PANK2: variants seen among roughly 807,000 people sequenced by gnomAD.
PANK2 encodes the protein pantothenate kinase 2, mitochondrial.
A neutral mutation model predicts 43.1 loss-of-function variants in PANK2; 36 were observed. The ratio of observed to expected loss-of-function variants is 0.84; its 90% CI spans 0.64 to 1.10. The LOEUF (loss-of-function observed/expected upper bound fraction) is 1.10, where lower values mean the gene tolerates loss of function less well. PANK2 is among the 50% of genes least tolerant of loss of function. The pLI is 0.00. For missense variants in PANK2, 576 were observed against 593.3 expected (o/e 0.97, Z 0.30); for synonymous variants, 281 against 238.2 (o/e 1.18, Z -1.66).
intron 2 of PANK2, chr20:3,908,666 C>T (rs2090425147): frequency 4.1e-6 from 1 of 245,206 alleles, no homozygotes; most frequent in African/African-American, 2.3e-5. Context: ...CTCTTGTCTC[C>T]CTCAGTTGTT....
At chr20:3,900,917 C>T (rs4815624) in intron 1 of PANK2, among the ~76,000 whole-genome samples, 78,960 of 151,650 alleles carry the variant, frequency 0.52, 21,193 homozygotes, top group East Asian at 0.67. Flanking sequence ...TACAGGTGTG[C>T]ACCACCACAC....
chr20:3,889,818 G>C, intron 1 of PANK2, 90 bp downstream of exon 1: 2 of 1,493,516 alleles, frequency 1.3e-6, no homozygotes, highest in Non-Finnish European at 1.8e-6. Context: ...CGTTTTTCCC[G>C]CGCGCGGACA....
intron 1 of PANK2, among the ~76,000 whole-genome samples, chr20:3,900,894 G>T (rs2090289703): frequency 6.6e-6 from 1 of 151,746 alleles, no homozygotes; most frequent in Non-Finnish European, 1.5e-5. Context: ...TCAGCCTACC[G>T]AGTAGCTGGG....
chr20:3,927,256 T>C lies in PANK2; in HGVS notation c.*3962T>C, dbSNP rs2090735027. On this transcript the variant is annotated 3_prime_UTR_variant, in exon 7 of 7. Transcript: ENST00000610179. The stretch of plus-strand genomic sequence containing the variant: ...AGTTTCCAAGTCTTGCTGAAGGTGC[T>C]TGCGTAAGTGGCACATGGATGTTCC... The C allele has an allele frequency of 6.6e-6, 1 of 152,262 alleles. No homozygotes were observed. Among genetic ancestry groups the C allele is most frequent in the Non-Finnish European group, 1.5e-5 (1 of 68,066 alleles). The allele number at this position is 152,262 out of a possible 1,614,324, so 9.4% of individuals were successfully genotyped here. A position where few individuals can be genotyped will look rare whatever the true frequency, so the allele number is the denominator to read the frequency against.
intron 1 of PANK2, among the ~76,000 whole-genome samples, chr20:3,895,293 A>G (rs1018677025): frequency 2.6e-5 from 4 of 151,774 alleles, no homozygotes; most frequent in Non-Finnish European, 5.9e-5. Flanking sequence ...AAATAAATAA[A>G]TAAATAAATA....
chr20:3,893,762 T>G (rs1357499408), intron 1 of PANK2, among the ~76,000 whole-genome samples: 5 of 152,104 alleles, frequency 3.3e-5, no homozygotes, highest in African/African-American at 1.2e-4. Flanking sequence ...GTTGGCAGTA[T>G]GGAACTGGAG....
chr20:3,915,339 A>G (rs574631987), intron 4 of PANK2, among the ~76,000 whole-genome samples: 1 of 151,650 alleles, frequency 6.6e-6, no homozygotes, highest in Non-Finnish European at 1.5e-5. Flanking sequence ...TTGCTCTGTC[A>G]CCAGGCTGGA....
At chr20:3,888,944 GC>G, upstream of PANK2, 9 of 577,084 alleles carry the variant, frequency 1.6e-5, no homozygotes, top group Admixed American at 3.2e-5. Context: ...CCGACGACCA[GC>G]GGCCAGACGC....
rs192327407 is a variant in PANK2, at chr20:3,911,356, G to A, written c.905+526G>A. 1.0e-3 allele frequency among the ~76,000 whole-genome samples: 158 copies of A among 150,844 alleles called. 3 individuals carry two copies. The highest frequency in any genetic ancestry group is 1.2e-3 in the Non-Finnish European group (80 of 67,598). On this transcript the variant is annotated intron_variant, in intron 3 of 6. Transcript: ENST00000610179. Reference sequence around the variant, plus strand: ...TCCCAGCACTTTGGGAGGCTGGGGCGGGTGGATCATGAGGTCAGGAGTTCA... The same window carrying A: ...TCCCAGCACTTTGGGAGGCTGGGGCAGGTGGATCATGAGGTCAGGAGTTCA...
rs865840877 is a variant in PANK2, at chr20:3,902,993, A to G, written c.299-4933A>G. Among the ~76,000 whole-genome samples, 1,335 of 150,868 alleles carry G rather than the reference A, an allele frequency of 8.8e-3. 19 individuals are homozygous for G. Among genetic ancestry groups the G allele is most frequent in the African/African-American group, 0.031 (1,268 of 41,132 alleles). ...TATAGACACACACACACACACACAC[A>G]CACACACACACACACACACACACAC... is the stretch of plus-strand genomic sequence containing the variant. On this transcript the variant is annotated intron_variant, in intron 1 of 6. Transcript: ENST00000610179.
intron 3 of PANK2, 133 bp from the exon 4 acceptor site, chr20:3,912,325 A>G: frequency 1.0e-6 from 1 of 957,046 alleles, no homozygotes. Flanking sequence ...CTTTTCACAG[A>G]CTTGTTTCCT....
rs150594400 is a variant in PANK2, at chr20:3,907,996, C to T, written c.369C>T (p.Ile123=). The stretch of plus-strand genomic sequence containing the variant: ...TGGTATATTTTGAACCCAAAGACAT[C>T]ACTGCTGAAGAAGAAGAGGAAGAAG... The change falls in exon 2 of 7, where the codon ATC becomes ATT. Residue 123 remains isoleucine (I), a synonymous_variant. Transcript: ENST00000610179. 2 of 1,614,004 alleles carry T rather than the reference C, an allele frequency of 1.2e-6. No individual in the cohort carries two copies. Among genetic ancestry groups the T allele is most frequent in the Non-Finnish European group, 1.7e-6 (2 of 1,180,042 alleles).
rs141278197 is a variant in PANK2, at chr20:3,911,311, G to A, written c.905+481G>A. 1.7e-3 allele frequency among the ~76,000 whole-genome samples: 257 copies of A among 152,336 alleles called. 1 individual carries two copies. The highest frequency in any genetic ancestry group is 6.8e-3 in the Middle Eastern group (2 of 294). On this transcript the variant is annotated intron_variant, in intron 3 of 6. Transcript: ENST00000610179. ...TATGAAAAGAGAGGATTAGCCGGGCGTGGTGGCTCATGCCTGTAATCCCAG... is the reference window on the plus strand; with the variant it reads ...TATGAAAAGAGAGGATTAGCCGGGCATGGTGGCTCATGCCTGTAATCCCAG...
rs2090742611 is a variant in PANK2 at position 3,927,611 on chromosome 20, T to C, written c.*4317T>C. The C allele has an allele frequency of 6.6e-6, 1 of 152,106 alleles. No homozygotes were observed. The highest frequency in any genetic ancestry group is 2.4e-5 in the African/African-American group (1 of 41,414). The allele number at this position is 152,106 out of a possible 1,614,324, so 9.4% of individuals were successfully genotyped here. On this transcript the variant is annotated 3_prime_UTR_variant, in exon 7 of 7. Coordinates refer to ENST00000610179, the MANE Select transcript of PANK2 (RefSeq NM_001386393.1). ...CGAAAAAGTGCCCCGTTCCTGGCAA[T>C]GATGTCAGAAGACCAAGAGGCGATA...
rs568165953 is a variant in PANK2, at chr20:3,919,378, A to G, written c.1332+582A>G. Among the ~76,000 whole-genome samples, 7 of 152,100 alleles carry G rather than the reference A, an allele frequency of 4.6e-5. No individual in the cohort carries two copies. The South Asian group carries it at 1.0e-3, about 23-fold the overall frequency. ...CATATTTTTGTCTGAACTATCCTCT[A>G]TATTTTTTCTATTGCACTGACTGTG... On this transcript the variant is annotated intron_variant, in intron 6 of 6. Transcript: ENST00000610179.
Position 3,889,974 on chromosome 20 carries a change from G to A in PANK2, c.298+246G>A, listed in dbSNP as rs377426740. ...TGTTGGAGTGGAGGGCTTTTCCCCA[G>A]GACCTGTCCTCCCTTTTCTTAGCTC... On this transcript the variant is annotated intron_variant, in intron 1 of 6. Transcript: ENST00000610179. 5.4e-6 allele frequency: 8 copies of A among 1,482,718 alleles called. No individual in the cohort carries two copies. The Admixed American group carries it at 1.6e-4, about 30-fold the overall frequency. 91.8% of individuals were successfully genotyped at this position (1,482,718 alleles called of 1,614,324 possible). A position where few individuals can be genotyped will look rare whatever the true frequency, so the allele number is the denominator to read the frequency against.
At position 3,912,357 on chromosome 20, in the gene PANK2, G is replaced by A; in HGVS notation, c.906-101G>A. ...TCCTACCAGTGGCATTTGCATGATTGGGTTGGATATGTGAATATGGTTTTG... is the reference window on the plus strand; with the variant it reads ...TCCTACCAGTGGCATTTGCATGATTAGGTTGGATATGTGAATATGGTTTTG... On this transcript the variant is annotated intron_variant, in intron 3 of 6. Coordinates refer to ENST00000610179, the MANE Select transcript of PANK2 (RefSeq NM_001386393.1). The A allele has an allele frequency of 4.7e-6, 6 of 1,275,640 alleles. No individual in the cohort carries two copies. The South Asian group carries it at 7.3e-5, about 15-fold the overall frequency. The allele number at this position is 1,275,640 out of a possible 1,614,324, so 79.0% of individuals were successfully genotyped here. A position where few individuals can be genotyped will look rare whatever the true frequency, so the allele number is the denominator to read the frequency against.
At chr20:3,912,930 C>CAAAAAAAAAA (rs71331078) in intron 4 of PANK2, among the ~76,000 whole-genome samples, 1 of 71,468 alleles carries the variant, frequency 1.4e-5, no homozygotes, top group Non-Finnish European at 2.5e-5. Flanking sequence ...GACTCTGTCT[C>CAAAAAAAAAA]AAAAAAAAAA....
In PANK2 at chr20:3,889,954, G is replaced by A. The variant is rs779323159; in HGVS notation, c.298+226G>A. On this transcript the variant is annotated intron_variant, in intron 1 of 6. Coordinates refer to ENST00000610179, the MANE Select transcript of PANK2 (RefSeq NM_001386393.1). ...ATTGGTATGCACTTCCCGCTTGTTG[G>A]AGTGGAGGGCTTTTCCCCAGGACCT... The A allele has an allele frequency of 3.9e-6, 6 of 1,522,698 alleles. No homozygotes were observed. The South Asian group carries it at 7.2e-5, about 18-fold the overall frequency. 94.3% of individuals were successfully genotyped at this position (1,522,698 alleles called of 1,614,324 possible).
Sources: gnomAD v4.1 joint callset for allele counts (sites outside exome capture counted in the v4.1 genomes callset) on GRCh38, gnomAD v4.1.1 for gene constraint, MANE v1.5 for transcripts, NCBI Gene and HGNC (gene_info 2026-07-23, HGNC 2026-07-21) for gene names.